TENM2: variants seen among roughly 807,000 people sequenced by gnomAD.
TENM2 encodes the protein teneurin-2.
TENM2 carries 52 observed loss-of-function variants against 245.2 expected under a neutral mutation model. That is an observed-to-expected ratio of 0.21 (90% CI 0.17 to 0.27). TENM2 has a LOEUF of 0.27. Among genes scored for constraint, TENM2 ranks in the 10% least tolerant of loss-of-function variants. TENM2 has a pLI of 1.00. For synonymous variants in TENM2, 1,363 were observed against 1,438.9 expected, an observed-to-expected ratio of 0.95 and a Z score of 1.19; for missense variants, 3,046 against 3,666.8, an observed-to-expected ratio of 0.83 and a Z score of 4.37.
the TENM2 span, among the ~76,000 whole-genome samples, chr5:167,232,796 A>G: frequency 1.3e-5 from 2 of 150,640 alleles, no homozygotes; most frequent in East Asian, 1.9e-4. Flanking sequence ...AGTTCCTACT[A>G]TATGCAAAGC....
At chr5:167,893,423 G>A (rs1005256545) in intron 3 of TENM2, among the ~76,000 whole-genome samples, 10 of 152,020 alleles carry the variant, frequency 6.6e-5, no homozygotes, top group Admixed American at 2.0e-4. Flanking sequence ...ACAACGAGGC[G>A]CACGTATCAA....
intron 1 of TENM2, among the ~76,000 whole-genome samples, chr5:167,356,234 AAAAG>A (rs1220551588): frequency 6.6e-6 from 1 of 150,466 alleles, no homozygotes; most frequent in Non-Finnish European, 1.5e-5. Flanking sequence ...AAAATTAAAA[AAAAG>A]GCAGGAAGAT....
chr5:168,106,550 G>A (rs1423469778), intron 9 of TENM2, among the ~76,000 whole-genome samples: 1 of 152,206 alleles, frequency 6.6e-6, no homozygotes, highest in African/African-American at 2.4e-5. Flanking sequence ...GCAAGTAAGT[G>A]GAATTGTTGG....
chr5:167,810,038 A>C (rs1360869805), intron 2 of TENM2, among the ~76,000 whole-genome samples: 3 of 152,076 alleles, frequency 2.0e-5, no homozygotes, highest in African/African-American at 7.2e-5. Context: ...ATCTTTAAGG[A>C]AATAATCTTA....
chr5:167,658,720 C>A (rs1269249178), intron 2 of TENM2, among the ~76,000 whole-genome samples: 1 of 152,046 alleles, frequency 6.6e-6, no homozygotes. Flanking sequence ...ACTGATTGAC[C>A]TAGGATAGCA....
At chr5:168,164,079 T>C (rs1757994863) in intron 13 of TENM2, among the ~76,000 whole-genome samples, 1 of 152,202 alleles carries the variant, frequency 6.6e-6, no homozygotes, top group South Asian at 2.1e-4. Flanking sequence ...GGCAAGACTC[T>C]TGGTGAGCTT....
the TENM2 span, among the ~76,000 whole-genome samples, chr5:167,180,914 G>A: frequency 6.6e-6 from 1 of 151,120 alleles, no homozygotes; most frequent in Non-Finnish European, 1.5e-5. Context: ...GGGGAGCCAG[G>A]AAAGGCAGGC....
At position 167,375,383 on chromosome 5, in the gene TENM2, T is replaced by G. The variant is rs1320826197; in HGVS notation, c.412T>G (p.Ser138Ala). 8 of 1,551,470 alleles carry G rather than the reference T, an allele frequency of 5.2e-6. No individual in the cohort carries two copies. Among genetic ancestry groups the G allele is most frequent in the Non-Finnish European group, 7.0e-6 (8 of 1,146,996 alleles). ...CAGACTGTGGGGCAGAGGGATAAAA[T>G]CCAGGCGCAGTTCCGGCCTGTCCAG... The change falls in exon 2 of 29, where the codon TCC becomes GCC. Residue 138 changes from serine to alanine, a missense_variant. By Grantham distance (99) the Ser-to-Ala change is moderately conservative. Coordinates refer to ENST00000518659, the Ensembl canonical transcript of TENM2.
At chr5:167,269,940 T>C in the TENM2 span, among the ~76,000 whole-genome samples, 2 of 152,328 alleles carry the variant, frequency 1.3e-5, no homozygotes, top group East Asian at 3.9e-4. Flanking sequence ...GGTAGTGAGA[T>C]ACCTGAACAA....
chr5:167,690,970 T>TGTGTGTAG (rs143481347), intron 2 of TENM2, among the ~76,000 whole-genome samples: 34 of 142,186 alleles, frequency 2.4e-4, no homozygotes, highest in African/African-American at 8.7e-4. Context: ...TGTGTGTGTG[T>TGTGTGTAG]AGAGAGAGAG....
At chr5:167,325,437 T>C (rs1757022268) in intron 1 of TENM2, among the ~76,000 whole-genome samples, 1 of 152,200 alleles carries the variant, frequency 6.6e-6, no homozygotes, top group African/African-American at 2.4e-5. Context: ...GTAGTTGCTT[T>C]GTTCCCAGGA....
chr5:168,210,981 G>T (rs1049614950), intron 19 of TENM2, among the ~76,000 whole-genome samples: 3 of 152,164 alleles, frequency 2.0e-5, no homozygotes, highest in African/African-American at 7.2e-5. Flanking sequence ...GATAAGAAAT[G>T]ATAACTGGAG....
chr5:167,582,490 G>A (rs1334656513), intron 2 of TENM2, among the ~76,000 whole-genome samples: 1 of 152,082 alleles, frequency 6.6e-6, no homozygotes, highest in Non-Finnish European at 1.5e-5. Context: ...AAAAATTCAT[G>A]TCTAGATGAG....
At chr5:167,040,575 T>TA in the TENM2 span, among the ~76,000 whole-genome samples, 1 of 152,074 alleles carries the variant, frequency 6.6e-6, no homozygotes. Context: ...CTTGAATACC[T>TA]ATTCGTCACT....
At chr5:167,223,092 T>G in the TENM2 span, among the ~76,000 whole-genome samples, 2 of 152,086 alleles carry the variant, frequency 1.3e-5, no homozygotes, top group South Asian at 2.1e-4. Context: ...CTTGTGAAAT[T>G]TTGTTACATG....
At chr5:167,921,996 A>G (rs904575791) in intron 3 of TENM2, among the ~76,000 whole-genome samples, 7 of 152,216 alleles carry the variant, frequency 4.6e-5, no homozygotes, top group Non-Finnish European at 7.3e-5. Flanking sequence ...GTGAAGTCTC[A>G]TGAGTCAGAA....
At chr5:167,354,109 C>G (rs961740689) in intron 1 of TENM2, among the ~76,000 whole-genome samples, 8 of 152,186 alleles carry the variant, frequency 5.3e-5, no homozygotes, top group African/African-American at 1.9e-4. Flanking sequence ...TATTGAGCAA[C>G]TACTACACTA....
rs538951699 is a variant in TENM2 at position 167,944,718 on chromosome 5, C to T, written c.713-7870C>T. On this transcript the variant is annotated intron_variant, in intron 3 of 28. Transcript: ENST00000518659. ...TGACTGCTGATGGGTATGTTGTATC[C>T]TTTGAGGGTGATGAAAATGTTCTAA... Among the ~76,000 whole-genome samples the T allele has an allele frequency of 4.6e-5, 7 of 152,182 alleles. No homozygotes were observed. The South Asian group carries it at 1.5e-3, about 32-fold the overall frequency.
chr5:167,562,292 C>T (rs1773642725), intron 2 of TENM2, among the ~76,000 whole-genome samples: 1 of 151,858 alleles, frequency 6.6e-6, no homozygotes, highest in Admixed American at 6.5e-5. Context: ...ACAAGAGAAT[C>T]TAGTTGGGCA....
Sources: gnomAD v4.1 joint callset for allele counts (sites outside exome capture counted in the v4.1 genomes callset) on GRCh38, gnomAD v4.1.1 for gene constraint, MANE v1.5 for transcripts, NCBI Gene and HGNC (gene_info 2026-07-23, HGNC 2026-07-21) for gene names.